The following SV2C variants were observed in gnomAD, a reference collection of about 807,000 sequenced individuals.
The protein encoded by SV2C is solute carrier family 22 member B3.
Under a neutral mutation model 79.7 loss-of-function variants are expected in SV2C, and 49 were observed. The ratio of observed to expected loss-of-function variants is 0.61; its 90% CI spans 0.49 to 0.78. SV2C has a LOEUF of 0.78. Among genes scored for constraint, SV2C ranks in the 30% least tolerant of loss-of-function variants. The pLI is 0.00. For synonymous variants in SV2C, 334 were observed against 333.2 expected, an observed-to-expected ratio of 1.00 and a Z score of -0.03; for missense variants, 833 against 912.9, an observed-to-expected ratio of 0.91 and a Z score of 1.13.
At chr5:76,106,001 G>A (rs1234951044) in intron 1 of SV2C, among the ~76,000 whole-genome samples, 1 of 151,908 alleles carries the variant, frequency 6.6e-6, no homozygotes, top group African/African-American at 2.4e-5. Flanking sequence ...CATATGTTTG[G>A]CCCAGACCTC....
the SV2C span, among the ~76,000 whole-genome samples, chr5:75,936,888 A>G: frequency 6.6e-6 from 1 of 152,212 alleles, no homozygotes; most frequent in Non-Finnish European, 1.5e-5. Context: ...GAACTATGCT[A>G]TCAACACAAG....
At chr5:75,877,119 G>GC in the SV2C span, among the ~76,000 whole-genome samples, 5 of 151,862 alleles carry the variant, frequency 3.3e-5, no homozygotes, top group African/African-American at 1.2e-4. Context: ...TTATCAAAAA[G>GC]CAACCACAAG....
chr5:75,984,723 G>A, the SV2C span, among the ~76,000 whole-genome samples: 1 of 152,104 alleles, frequency 6.6e-6, no homozygotes, highest in African/African-American at 2.4e-5. Flanking sequence ...AGGCAAGTCT[G>A]AATTCCATAG....
chr5:76,323,689 T>C (rs1041632370), intron 12 of SV2C, among the ~76,000 whole-genome samples: 3 of 152,250 alleles, frequency 2.0e-5, no homozygotes, highest in African/African-American at 7.2e-5. Context: ...ATGTACACCA[T>C]GGAATACTAT....
chr5:75,911,646 C>A, the SV2C span: 4 of 698,942 alleles, frequency 5.7e-6, no homozygotes, highest in South Asian at 4.2e-5. Flanking sequence ...ACAATCAGAA[C>A]CCCGAAGAAC....
At chr5:75,877,037 G>A in the SV2C span, among the ~76,000 whole-genome samples, 1 of 152,016 alleles carries the variant, frequency 6.6e-6, no homozygotes, top group Admixed American at 6.6e-5. Flanking sequence ...CCAACTCTAT[G>A]CTATCTACAG....
intron 12 of SV2C, among the ~76,000 whole-genome samples, chr5:76,341,772 T>C (rs1749446363): frequency 1.8e-5 from 2 of 111,316 alleles, no homozygotes; most frequent in East Asian, 5.3e-4. Flanking sequence ...CATCTGCTCC[T>C]GGAGGCAGAT....
At chr5:76,000,798 T>G in the SV2C span, among the ~76,000 whole-genome samples, 1 of 152,294 alleles carries the variant, frequency 6.6e-6, no homozygotes, top group East Asian at 1.9e-4. Flanking sequence ...CACAGAGCTC[T>G]GACTCAGCTG....
chr5:75,940,129 T>C, the SV2C span, among the ~76,000 whole-genome samples: 41 of 152,298 alleles, frequency 2.7e-4, no homozygotes, highest in East Asian at 7.1e-3. Context: ...ATGCTTAGTA[T>C]ACAATGGGCA....
At chr5:76,014,797 A>G in the SV2C span, among the ~76,000 whole-genome samples, 1 of 152,334 alleles carries the variant, frequency 6.6e-6, no homozygotes, top group South Asian at 2.1e-4. Context: ...CACACTCCAA[A>G]GTCATTGATT....
chr5:75,902,482 C>T, the SV2C span, among the ~76,000 whole-genome samples: 17 of 152,324 alleles, frequency 1.1e-4, no homozygotes, highest in African/African-American at 3.8e-4. Flanking sequence ...GGTTTCTGTG[C>T]TTCAACCCAG....
At chr5:76,077,901 C>T in the SV2C span, among the ~76,000 whole-genome samples, 3 of 152,248 alleles carry the variant, frequency 2.0e-5, no homozygotes, top group Admixed American at 2.0e-4. Flanking sequence ...GCATGGAGAC[C>T]AACCCCTTGT....
At position 76,291,851 on chromosome 5, in the gene SV2C, C is replaced by A. The variant is rs775622314; in HGVS notation, c.1332C>A (p.Ser444=). The change falls in exon 8 of 13, where the codon TCC becomes TCA. Residue 444 remains serine (S), a synonymous_variant. Transcript: ENST00000502798. The part of the protein sequence containing the change: ...IKLTIVWFTL[S]FGYYGLSVWF... The stretch of plus-strand genomic sequence containing the variant: ...TTACAATTGTTTGGTTCACCCTGTC[C>A]TTTGGGTAAGTGATATTTAAATTCT... 2 of 1,604,386 alleles carry A rather than the reference C, an allele frequency of 1.2e-6. No individual in the cohort carries two copies. Among genetic ancestry groups the A allele is most frequent in the African/African-American group, 2.7e-5 (2 of 74,796 alleles).
intron 4 of SV2C, among the ~76,000 whole-genome samples, chr5:76,222,005 T>A (rs2112379012): frequency 6.6e-6 from 1 of 152,274 alleles, no homozygotes; most frequent in East Asian, 1.9e-4. Flanking sequence ...AAAATTAGTA[T>A]AAAAAATTAA....
chr5:75,937,954 T>TA, the SV2C span, among the ~76,000 whole-genome samples: 2,846 of 151,954 alleles, frequency 0.019, 66 homozygotes, highest in African/African-American at 0.056. Flanking sequence ...TGATAATTGA[T>TA]AAAAAAATTG....
the SV2C span, among the ~76,000 whole-genome samples, chr5:75,897,548 C>T: frequency 2.0e-5 from 3 of 152,280 alleles, no homozygotes; most frequent in South Asian, 4.1e-4. Flanking sequence ...CTTGGCGATG[C>T]AGGCTCTTTT....
the SV2C span, among the ~76,000 whole-genome samples, chr5:75,901,388 T>C: frequency 6.6e-6 from 1 of 152,186 alleles, no homozygotes; most frequent in Admixed American, 6.5e-5. Flanking sequence ...CAGTGGTGGC[T>C]GCAGAACAAT....
chr5:76,094,685 G>T (rs1028102557), intron 1 of SV2C, among the ~76,000 whole-genome samples: 7 of 152,096 alleles, frequency 4.6e-5, no homozygotes, highest in African/African-American at 1.2e-4. Flanking sequence ...GGATCAAGAA[G>T]TGAATATATC....
intron 1 of SV2C, among the ~76,000 whole-genome samples, chr5:76,121,686 C>T (rs1175505086): frequency 2.2e-4 from 34 of 151,726 alleles, no homozygotes; most frequent in East Asian, 3.9e-4. Flanking sequence ...TGTAGATATG[C>T]GGCGTTATTT....
Sources: allele counts gnomAD v4.1 joint callset (sites outside exome capture counted in the v4.1 genomes callset), GRCh38; gene constraint gnomAD v4.1.1; transcripts MANE v1.5; gene names NCBI Gene and HGNC (gene_info 2026-07-23, HGNC 2026-07-21).